The following CENPQ variants were observed in gnomAD, a reference collection of about 807,000 sequenced individuals.
CENPQ encodes chromosome 6 open reading frame 139.
Under a neutral mutation model 36.6 loss-of-function variants are expected in CENPQ, and 27 were observed. That is an observed-to-expected ratio of 0.74 (90% confidence interval 0.54 to 1.02). The LOEUF is 1.02. CENPQ is among the 50% of genes least tolerant of loss of function. The pLI, the probability that CENPQ is intolerant of heterozygous loss-of-function variation, is 0.00. For synonymous variants in CENPQ, 101 were observed against 101.7 expected, an observed-to-expected ratio of 0.99 and a Z score of 0.04; for missense variants, 306 against 301.8, an observed-to-expected ratio of 1.01 and a Z score of -0.10.
chr6:49,484,360 G>T (rs1253956680), intron 6 of CENPQ, among the ~76,000 whole-genome samples: 1 of 152,210 alleles, frequency 6.6e-6, no homozygotes, highest in Admixed American at 6.5e-5. Flanking sequence ...TGATCACTAT[G>T]TTGTATGGCA....
chr6:49,472,985 G>C, intron 5 of CENPQ, 127 bp downstream of exon 5: 1 of 605,100 alleles, frequency 1.7e-6, no homozygotes, highest in African/African-American at 1.9e-5. Context: ...TGAACAACTT[G>C]GAAGTATGTT....
At chr6:49,471,445 T>C (rs1168128647) in intron 3 of CENPQ, among the ~76,000 whole-genome samples, 2 of 152,232 alleles carry the variant, frequency 1.3e-5, no homozygotes, top group African/African-American at 4.8e-5. Context: ...TAAACATCAC[T>C]GTTTCATGGA....
At chr6:49,471,976 GC>G in intron 3 of CENPQ, 86 bp from the exon 4 acceptor site, 1 of 1,401,274 alleles carries the variant, frequency 7.1e-7, no homozygotes, top group Non-Finnish European at 9.5e-7. Flanking sequence ...AATTTCATAA[GC>G]TTTTTTAGAT....
intron 6 of CENPQ, among the ~76,000 whole-genome samples, chr6:49,483,472 G>T (rs1768501144): frequency 6.6e-6 from 1 of 152,150 alleles, no homozygotes; most frequent in African/African-American, 2.4e-5. Context: ...GGAGCAGGGG[G>T]CGGCGCTCAT....
intron 6 of CENPQ, among the ~76,000 whole-genome samples, chr6:49,485,959 A>T (rs2448704): frequency 0.4 from 61,153 of 152,004 alleles, 12,640 homozygotes; most frequent in Admixed American, 0.56. Flanking sequence ...TTCCCTTTGT[A>T]GTGGGTTGAA....
intron 3 of CENPQ, among the ~76,000 whole-genome samples, chr6:49,471,664 G>A (rs1448012465): frequency 1.3e-5 from 2 of 151,874 alleles, no homozygotes; most frequent in African/African-American, 4.8e-5. Context: ...CAACAGCATA[G>A]TTGACACTAT....
chr6:49,487,836 T>G (rs1768627198), intron 6 of CENPQ, among the ~76,000 whole-genome samples: 3 of 152,232 alleles, frequency 2.0e-5, no homozygotes, highest in African/African-American at 2.4e-5. Context: ...CTCTAAATTA[T>G]GTATTCCTTT....
At position 49,492,265 on chromosome 6, in the gene CENPQ, A is replaced by C. The variant is rs2501968; in HGVS notation, c.797A>C (p.Asp266Ala). 10 of 1,581,482 alleles carry C rather than the reference A, an allele frequency of 6.3e-6. No individual in the cohort carries two copies. The highest frequency in any genetic ancestry group is 1.9e-5 in the Admixed American group (1 of 52,562). Reference protein sequence around the residue: ...TFIEEAYKKLDAS With the variant: ...TFIEEAYKKLAAS ...ATTGAAGAAGCCTATAAGAAACTGG[A>C]TGCATCTTAAAGAGTGTTTTTTTTT... The change falls in exon 9 of 9, where the codon GAT becomes GCT. Residue 266 changes from aspartate to alanine, a missense_variant. Coordinates refer to ENST00000335783, the MANE Select transcript of CENPQ (RefSeq NM_018132.4).
intron 5 of CENPQ, among the ~76,000 whole-genome samples, chr6:49,477,208 G>T (rs1265676525): frequency 1.3e-5 from 2 of 152,036 alleles, no homozygotes; most frequent in Non-Finnish European, 2.9e-5. Flanking sequence ...AAGAAAATGT[G>T]GCACATATAC....
intron 8 of CENPQ, among the ~76,000 whole-genome samples, chr6:49,491,355 A>G (rs1177499776): frequency 6.6e-6 from 1 of 152,218 alleles, no homozygotes; most frequent in Non-Finnish European, 1.5e-5. Flanking sequence ...ATGGAAATAC[A>G]TAATTTTTTT....
At chr6:49,482,627 T>C (rs1768465912) in intron 6 of CENPQ, among the ~76,000 whole-genome samples, 4 of 147,250 alleles carry the variant, frequency 2.7e-5, no homozygotes, top group African/African-American at 1.0e-4. Context: ...GGCCTCGATT[T>C]ACTCAGTGAT....
intron 1 of CENPQ, among the ~76,000 whole-genome samples, chr6:49,466,575 T>C (rs1283617986): frequency 2.6e-5 from 4 of 152,220 alleles, no homozygotes; most frequent in Non-Finnish European, 4.4e-5. Flanking sequence ...TTCATATCTG[T>C]CTCTACCTGT....
In CENPQ at chr6:49,472,739, T is replaced by C. The variant is rs1007394678; in HGVS notation, c.279-51T>C. Reference sequence around the variant, plus strand: ...TCAGAGAGAAAAAGTACAAAGAGTATATGATTTGTGCATCAGACTACTATT... The same window carrying C: ...TCAGAGAGAAAAAGTACAAAGAGTACATGATTTGTGCATCAGACTACTATT... On this transcript the variant is annotated intron_variant, in intron 4 of 8. Transcript: ENST00000335783. 6.7e-6 allele frequency: 9 copies of C among 1,348,340 alleles called. No individual in the cohort carries two copies. The African/African-American group carries it at 1.2e-4, about 18-fold the overall frequency. 83.5% of individuals were successfully genotyped at this position (1,348,340 alleles called of 1,614,324 possible).
At chr6:49,480,898 T>C in intron 5 of CENPQ, 53 bp from the exon 6 acceptor site, 1 of 1,325,158 alleles carries the variant, frequency 7.5e-7, no homozygotes, top group Non-Finnish European at 1.0e-6. Context: ...TGTTTTAAAA[T>C]AATAATAGTA....
chr6:49,490,384 A>G (rs6901278), intron 8 of CENPQ, among the ~76,000 whole-genome samples: 42,315 of 152,156 alleles, frequency 0.28, 6,347 homozygotes, highest in Non-Finnish European at 0.34. Flanking sequence ...GTCAGCCTTC[A>G]TAGACTTGAA....
intron 6 of CENPQ, among the ~76,000 whole-genome samples, chr6:49,484,697 C>T (rs1469449246): frequency 6.6e-6 from 1 of 152,118 alleles, no homozygotes; most frequent in Non-Finnish European, 1.5e-5. Context: ...AATTTCTGAG[C>T]ACAAATCTAT....
chr6:49,475,447 A>G (rs1375316835), intron 5 of CENPQ, among the ~76,000 whole-genome samples: 2 of 152,246 alleles, frequency 1.3e-5, no homozygotes, highest in Non-Finnish European at 2.9e-5. Context: ...GCTTTTTATG[A>G]CAAATCCACA....
intron 6 of CENPQ, among the ~76,000 whole-genome samples, chr6:49,485,382 A>G (rs1433467183): frequency 6.6e-6 from 1 of 152,210 alleles, no homozygotes; most frequent in Non-Finnish European, 1.5e-5. Flanking sequence ...CTGAAGCATA[A>G]TTTTTTAGAC....
At chr6:49,471,806 G>C (rs1339791247) in intron 3 of CENPQ, among the ~76,000 whole-genome samples, 1 of 152,016 alleles carries the variant, frequency 6.6e-6, no homozygotes, top group Non-Finnish European at 1.5e-5. Context: ...CATAATTAAA[G>C]TTTGATTCTT....
Sources: allele counts gnomAD v4.1 joint callset (sites outside exome capture counted in the v4.1 genomes callset), GRCh38; gene constraint gnomAD v4.1.1; transcripts MANE v1.5; gene names NCBI Gene and HGNC (gene_info 2026-07-23, HGNC 2026-07-21).